NPIPB2: variants seen among roughly 807,000 people sequenced by gnomAD.
NPIPB2 encodes nuclear pore complex interacting protein family member B2.
In NPIPB2, 27 loss-of-function variants were observed where a neutral mutation model predicts 30.8. The observed-to-expected ratio is 0.88, with a 90% CI of 0.65 to 1.21. NPIPB2 has a LOEUF of 1.21. Ranked by LOEUF, NPIPB2 falls within the 50% of genes most tolerant of loss-of-function variation. The probability of loss-of-function intolerance (pLI) is 0.00; values close to 1 mark genes in which losing one functional copy is unlikely to be tolerated. For missense variants in NPIPB2, 440 were observed against 446.2 expected, an observed-to-expected ratio of 0.99 and a Z score of 0.13; for synonymous variants, 147 against 162.0, an observed-to-expected ratio of 0.91 and a Z score of 0.70.
At chr16:11,941,831 C>G in intron 1 of NPIPB2, 152 bp downstream of exon 1, 2 of 1,205,188 alleles carry the variant, frequency 1.7e-6, no homozygotes, top group South Asian at 2.6e-5. Flanking sequence ...CTGGAACCTT[C>G]ACAAACCTGA....
intron 1 of NPIPB2, among the ~76,000 whole-genome samples, chr16:11,958,795 G>A (rs1475895243): frequency 6.6e-6 from 1 of 152,062 alleles, no homozygotes; most frequent in Non-Finnish European, 1.5e-5. Flanking sequence ...GGTTAAAGAG[G>A]TGGTAACAAT....
intron 4 of NPIPB2, among the ~76,000 whole-genome samples, chr16:11,933,074 A>T (rs2054812662): frequency 6.6e-6 from 1 of 151,752 alleles, no homozygotes; most frequent in South Asian, 2.1e-4. Flanking sequence ...CAGCCTGGAC[A>T]ACATGGTGAA....
At chr16:11,932,929 G>A (rs1256624332) in intron 4 of NPIPB2, among the ~76,000 whole-genome samples, 1 of 149,848 alleles carries the variant, frequency 6.7e-6, no homozygotes, top group Non-Finnish European at 1.5e-5. Context: ...TAGCACTCCA[G>A]CCTGGGCGAC....
chr16:11,968,552 T>G (rs549740015), intron 1 of NPIPB2: 2 of 152,240 alleles, frequency 1.3e-5, no homozygotes, highest in African/African-American at 4.8e-5. Context: ...CCCAAAGATA[T>G]GTGGTCCTTA....
intron 1 of NPIPB2, among the ~76,000 whole-genome samples, chr16:11,970,994 C>T (rs1567481082): frequency 6.6e-6 from 1 of 152,002 alleles, no homozygotes; most frequent in African/African-American, 2.4e-5. Flanking sequence ...GCTGGGACTA[C>T]AGGCATGTAC....
chr16:11,953,429 G>A (rs1430605631), intron 1 of NPIPB2, among the ~76,000 whole-genome samples: 2 of 139,892 alleles, frequency 1.4e-5, no homozygotes, highest in South Asian at 2.1e-4. Flanking sequence ...TGCAACCTCC[G>A]CCTCCCAGGT....
In NPIPB2 at chr16:11,967,876, T is replaced by C. The variant is rs753552790; in HGVS notation, c.-584+8692A>G. 8.7e-6 allele frequency: 14 copies of C among 1,601,044 alleles called. No individual in the cohort carries two copies. The Admixed American group carries it at 2.4e-4, about 27-fold the overall frequency. On this transcript the variant is annotated intron_variant, in intron 1 of 5. Coordinates refer to the NPIPB2 transcript ENST00000538896. ...ACCATTTCGACTCGAGCAGTGCCAC[T>C]TTAAAAATCTTTTGTCAGAATAGAT... is the stretch of plus-strand genomic sequence containing the variant.
chr16:11,943,179 TGTG>T (rs1250043354), upstream of NPIPB2, among the ~76,000 whole-genome samples: 1 of 151,550 alleles, frequency 6.6e-6, no homozygotes. Context: ...ATTAGCTGGG[TGTG>T]GTGGTGGGCG....
At chr16:11,966,287 T>C (rs11570148) in intron 1 of NPIPB2, 24 of 1,613,974 alleles carry the variant, frequency 1.5e-5, no homozygotes, top group Non-Finnish European at 1.9e-5. Flanking sequence ...CGTGCTAATG[T>C]TTTTGCTAAG....
intron 1 of NPIPB2, among the ~76,000 whole-genome samples, chr16:11,949,636 G>A (rs2055045220): frequency 6.6e-6 from 1 of 152,230 alleles, no homozygotes; most frequent in Non-Finnish European, 1.5e-5. Context: ...TGAGTGACAG[G>A]CTCTTTTAGC....
At chr16:11,957,941 T>G (rs555583071) in intron 1 of NPIPB2, among the ~76,000 whole-genome samples, 1 of 152,344 alleles carries the variant, frequency 6.6e-6, no homozygotes, top group Non-Finnish European at 1.5e-5. Flanking sequence ...CTCTGGAGAA[T>G]TCTACTGATA....
intron 2 of NPIPB2, among the ~76,000 whole-genome samples, chr16:11,935,185 A>G (rs1339295565): frequency 6.7e-6 from 1 of 148,964 alleles, no homozygotes; most frequent in Non-Finnish European, 1.5e-5. Flanking sequence ...TCCCACCAAG[A>G]TTTCCATATT....
intron 1 of NPIPB2, among the ~76,000 whole-genome samples, chr16:11,947,477 T>TAGGACTAC (rs1261272640): frequency 6.6e-6 from 1 of 151,672 alleles, no homozygotes; most frequent in African/African-American, 2.4e-5. Flanking sequence ...CCCGAGTAGC[T>TAGGACTAC]AGGACTACAG....
At chr16:11,947,725 G>A (rs899446641) in intron 1 of NPIPB2, among the ~76,000 whole-genome samples, 7 of 151,900 alleles carry the variant, frequency 4.6e-5, no homozygotes, top group African/African-American at 1.4e-4. Context: ...TTTAAAAAAA[G>A]AATAAGGAAA....
At chr16:11,936,859 G>A (rs1324894347) in intron 2 of NPIPB2, among the ~76,000 whole-genome samples, 1 of 148,144 alleles carries the variant, frequency 6.8e-6, no homozygotes, top group Non-Finnish European at 1.5e-5. Context: ...TGCATCATGA[G>A]ACGCAGTGCA....
Position 11,968,122 on chromosome 16 carries a change from G to T in NPIPB2, c.-584+8446C>A, listed in dbSNP as rs930417692. The T allele has an allele frequency of 3.2e-5, 12 of 369,936 alleles. No individual in the cohort carries two copies. In the South Asian group the frequency reaches 3.3e-4, roughly 10 times the overall value. The allele number at this position is 369,936 out of a possible 1,614,324, so 22.9% of individuals were successfully genotyped here. ...TAAAAACAAGCATGTATACCAGTGTGGGGGGTGAGGGTGGGAGAGAAAGGT... is the reference window on the plus strand; with the variant it reads ...TAAAAACAAGCATGTATACCAGTGTTGGGGGTGAGGGTGGGAGAGAAAGGT... On this transcript the variant is annotated intron_variant, in intron 1 of 5. Coordinates refer to the NPIPB2 transcript ENST00000538896.
chr16:11,955,337 G>A (rs1255927822), intron 1 of NPIPB2, among the ~76,000 whole-genome samples: 1 of 134,028 alleles, frequency 7.5e-6, no homozygotes, highest in Non-Finnish European at 1.5e-5. Flanking sequence ...CTAGGTGACC[G>A]AGTGAAACTC....
intron 1 of NPIPB2, chr16:11,964,089 T>C (rs1349170997): frequency 6.6e-6 from 1 of 151,102 alleles, no homozygotes; most frequent in Non-Finnish European, 1.5e-5. Context: ...AAAAATGCAC[T>C]ATATAAATGT....
intron 1 of NPIPB2, among the ~76,000 whole-genome samples, chr16:11,949,273 A>T (rs2055042493): frequency 6.6e-6 from 1 of 152,200 alleles, no homozygotes; most frequent in Non-Finnish European, 1.5e-5. Context: ...CACGTCGGTG[A>T]TCTCATGCAA....
Sources: allele counts gnomAD v4.1 joint callset (sites outside exome capture counted in the v4.1 genomes callset), GRCh38; gene constraint gnomAD v4.1.1; transcripts MANE v1.5; gene names NCBI Gene and HGNC (gene_info 2026-07-23, HGNC 2026-07-21).